MGAT5B: variants seen among roughly 807,000 people sequenced by gnomAD.
MGAT5B encodes N-acetylglucosaminyl-transferase Vb.
Under a neutral mutation model 95.1 loss-of-function variants are expected in MGAT5B, and 54 were observed. The observed-to-expected ratio is 0.57, with a 90% CI of 0.46 to 0.71. The LOEUF (loss-of-function observed/expected upper bound fraction) is 0.71, where lower values mean the gene tolerates loss of function less well. MGAT5B is among the 30% of genes least tolerant of loss of function. The probability of loss-of-function intolerance (pLI) is 0.00; values close to 1 mark genes in which losing one functional copy is unlikely to be tolerated. For synonymous variants in MGAT5B, 464 were observed against 451.0 expected (o/e 1.03, Z -0.36); for missense variants, 935 against 1,088.6 (o/e 0.86, Z 1.99).
Position 76,915,440 on chromosome 17 carries a change from G to C in MGAT5B, c.1025+9253G>C, listed in dbSNP as rs1968895130. 6.6e-6 allele frequency among the ~76,000 whole-genome samples: 1 copy of C among 152,118 alleles called. No individual in the cohort carries two copies. The highest frequency in any genetic ancestry group is 1.5e-5 in the Non-Finnish European group (1 of 68,030). ...TCCCACAAGCCAGGTGGAGGCAGCG[G>C]GAGACGCGAGGAAGTGGACAAGACC... is the stretch of plus-strand genomic sequence containing the variant. On this transcript the variant is annotated intron_variant, in intron 8 of 17. Coordinates refer to ENST00000569840, the MANE Select transcript of MGAT5B (RefSeq NM_001199172.2). The surrounding 1 kb of genome is among the most constrained non-coding windows in gnomAD (Gnocchi z 8.7).
Position 76,932,801 on chromosome 17 carries a change from AG to A in MGAT5B, c.1422+27del, listed in dbSNP as rs753254739. The stretch of plus-strand genomic sequence containing the variant: ...GTGAGCGCGGCCCCTGCGCGCGGGA[AG>A]CACCAGCCTGCTCGGCACAGGCCCC... On this transcript the variant is annotated intron_variant, in intron 11 of 17. Transcript: ENST00000569840. 39 of 1,611,510 alleles carry A rather than the reference AG, an allele frequency of 2.4e-5. No homozygotes were observed. The South Asian group carries it at 4.1e-4, about 17-fold the overall frequency.
chr17:76,908,962 G>A (rs77719605), intron 8 of MGAT5B, among the ~76,000 whole-genome samples: 48 of 150,436 alleles, frequency 3.2e-4, no homozygotes, highest in African/African-American at 1.1e-3. Flanking sequence ...GGGTGCCACC[G>A]TGCCCAGCTA....
chr17:76,888,785 G>T (rs1224518389), intron 3 of MGAT5B, among the ~76,000 whole-genome samples: 1 of 152,210 alleles, frequency 6.6e-6, no homozygotes, highest in Non-Finnish European at 1.5e-5. Flanking sequence ...GCCACCTGCG[G>T]AACCAGAGTT....
At chr17:76,893,566 C>T (rs769943944) in intron 3 of MGAT5B, among the ~76,000 whole-genome samples, 1 of 152,230 alleles carries the variant, frequency 6.6e-6, no homozygotes, top group Non-Finnish European at 1.5e-5. Flanking sequence ...GGCATCTGCA[C>T]CAGCTGGAGA....
Position 76,882,151 on chromosome 17 carries a change from T to G in MGAT5B, c.182T>G (p.Val61Gly). 6.2e-7 allele frequency: 1 copy of G among 1,608,578 alleles called. No individual in the cohort carries two copies. The highest frequency in any genetic ancestry group is 2.2e-5 in the East Asian group (1 of 44,754). Residue 61 changes from valine to glycine, a missense_variant and splice_region_variant, in exon 3 of 18, where the codon GTG becomes GGG. Transcript: ENST00000569840. ...GDSPFTIRTE[V>G]MGGPESRGVL... ...AACCATACCCACACTCTGCCCACAG[T>G]GATGGGGGGCCCCGAGTCCCGCGGC...
chr17:76,905,133 T>C lies in MGAT5B; in HGVS notation c.691-36T>C. 6.4e-7 allele frequency: 1 copy of C among 1,573,054 alleles called. No individual in the cohort carries two copies. Reference sequence around the variant, plus strand: ...AGCGGGGAATGATGGTGGCCGCAGGTTGAGGGGCAGAGAGCTGAGGTCTGG... The same window carrying C: ...AGCGGGGAATGATGGTGGCCGCAGGCTGAGGGGCAGAGAGCTGAGGTCTGG... On this transcript the variant is annotated intron_variant, in intron 6 of 17. Coordinates refer to ENST00000569840, the MANE Select transcript of MGAT5B (RefSeq NM_001199172.2). This position sits in a 1 kb window ranked among gnomAD's most constrained non-coding sequence, Gnocchi z 4.2.
At chr17:76,904,178 G>T (rs911358795) in intron 5 of MGAT5B, 74 bp from the exon 6 acceptor site, 4 of 1,447,518 alleles carry the variant, frequency 2.8e-6, no homozygotes, top group Middle Eastern at 2.3e-4. Context: ...ACCCCTGGGG[G>T]TGCACGTGCG....
Position 76,940,257 on chromosome 17 carries a change from A to G in MGAT5B, c.1585-145A>G, listed in dbSNP as rs536082726. 6 of 1,051,680 alleles carry G rather than the reference A, an allele frequency of 5.7e-6. No homozygotes were observed. The African/African-American group carries it at 6.4e-5, about 11-fold the overall frequency. The allele number at this position is 1,051,680 out of a possible 1,614,324, so 65.1% of individuals were successfully genotyped here. A position where few individuals can be genotyped will look rare whatever the true frequency, so the allele number is the denominator to read the frequency against. On this transcript the variant is annotated intron_variant, in intron 13 of 17. Coordinates refer to ENST00000569840, the MANE Select transcript of MGAT5B (RefSeq NM_001199172.2). The surrounding 1 kb of genome is among the most constrained non-coding windows in gnomAD (Gnocchi z 4.3). ...CTTTTCCAGCCCTGTTATAGCTCAC[A>G]TAACAGGCTGAGCAAAAATAATCGC...
chr17:76,938,107 G>A lies in MGAT5B; in HGVS notation c.1548G>A (p.Pro516=), dbSNP rs138623883. 301 of 1,614,202 alleles carry A rather than the reference G, an allele frequency of 1.9e-4. No individual in the cohort carries two copies. Among genetic ancestry groups the A allele is most frequent in the African/African-American group, 4.7e-4 (35 of 75,062 alleles). ...TTGTGAAGAACCACGGCCTCTTACC[G>A]CAGCCTGAGTTTCAGCAGCTGCTGC... ...PAFVKNHGLL[P]QPEFQQLLRK... The change falls in exon 13 of 18, where the codon CCG becomes CCA. Residue 516 remains proline, a synonymous_variant. Transcript: ENST00000569840. This position sits in a 1 kb window ranked among gnomAD's most constrained non-coding sequence, Gnocchi z 4.3.
chr17:76,924,874 T>C, intron 8 of MGAT5B, 92 bp from the exon 9 acceptor site: 3 of 1,492,150 alleles, frequency 2.0e-6, no homozygotes, highest in Non-Finnish European at 2.8e-6. Context: ...TCTCTGCACT[T>C]GTACAGTTCA....
Position 76,925,002 on chromosome 17 carries a change from G to A in MGAT5B, c.1062G>A (p.Pro354=), listed in dbSNP as rs750020732. The A allele has an allele frequency of 5.0e-5, 80 of 1,611,650 alleles. 1 individual carries two copies. Among genetic ancestry groups the A allele is most frequent in the East Asian group, 1.8e-4 (8 of 44,738 alleles). ...LGVPPGRGSC[P]LTMPLPFDLI... ...TACCGCCAGGCCGGGGAAGCTGCCCGCTCACCATGCCCCTGCCCTTCGACC... is the reference window on the plus strand; with the variant it reads ...TACCGCCAGGCCGGGGAAGCTGCCCACTCACCATGCCCCTGCCCTTCGACC... Residue 354 remains proline, a synonymous_variant, in exon 9 of 18, where the codon CCG becomes CCA. Coordinates refer to ENST00000569840, the MANE Select transcript of MGAT5B (RefSeq NM_001199172.2).
intron 15 of MGAT5B, chr17:76,946,168 G>A (rs1970022302): frequency 2.0e-6 from 1 of 504,596 alleles, no homozygotes; most frequent in Non-Finnish European, 3.5e-6. Context: ...TGGGTCCTGA[G>A]CCTGAGTCCC....
chr17:76,943,624 G>GC (rs1567827242), intron 15 of MGAT5B, among the ~76,000 whole-genome samples: 1 of 103,618 alleles, frequency 9.7e-6, no homozygotes, highest in Non-Finnish European at 1.9e-5. Flanking sequence ...GGGGTGGGGT[G>GC]GGGGGGGGGT....
chr17:76,912,279 G>A lies in MGAT5B; in HGVS notation c.1025+6092G>A, dbSNP rs1450776743. ...ATAATAAGATGGCAACCACTGGGGGGCCCTGGGCAGAGTTCCCAGCGAGCA... is the reference window on the plus strand; with the variant it reads ...ATAATAAGATGGCAACCACTGGGGGACCCTGGGCAGAGTTCCCAGCGAGCA... On this transcript the variant is annotated intron_variant, in intron 8 of 17. Transcript: ENST00000569840. This position sits in a 1 kb window ranked among gnomAD's most constrained non-coding sequence, Gnocchi z 5.0. 6.6e-6 allele frequency among the ~76,000 whole-genome samples: 1 copy of A among 152,138 alleles called. No individual in the cohort carries two copies. The highest frequency in any genetic ancestry group is 1.5e-5 in the Non-Finnish European group (1 of 68,028).
intron 2 of MGAT5B, among the ~76,000 whole-genome samples, chr17:76,877,303 T>G: frequency 7.4e-6 from 1 of 135,718 alleles, no homozygotes; most frequent in Non-Finnish European, 1.5e-5. Context: ...CCAGCCTGGG[T>G]GACAGAGCAA....
chr17:76,902,757 G>C, intron 4 of MGAT5B, 87 bp downstream of exon 4: 1 of 983,852 alleles, frequency 1.0e-6, no homozygotes, highest in Non-Finnish European at 1.5e-6. Flanking sequence ...TGGGACACTT[G>C]GGGTGTGGCC....
At chr17:76,897,342 T>G (rs1017688536) in intron 3 of MGAT5B, among the ~76,000 whole-genome samples, 1 of 152,146 alleles carries the variant, frequency 6.6e-6, no homozygotes, top group Non-Finnish European at 1.5e-5. Flanking sequence ...CAACAGAAAT[T>G]TACTCTTTCC....
rs1362039182 is a variant in MGAT5B at position 76,902,689 on chromosome 17, G to T, written c.445+19G>T. The T allele has an allele frequency of 1.3e-6, 2 of 1,544,304 alleles. No individual in the cohort carries two copies. Among genetic ancestry groups the T allele is most frequent in the Admixed American group, 1.9e-5 (1 of 52,832 alleles). On this transcript the variant is annotated intron_variant, in intron 4 of 17. Coordinates refer to ENST00000569840, the MANE Select transcript of MGAT5B (RefSeq NM_001199172.2). ...AGCAAGGGTGGGTGCCAGGGGGCGG[G>T]GGTACCCTCTACCCCTAGGGGGCCA...
Position 76,917,855 on chromosome 17 carries a change from G to T in MGAT5B, c.1026-7111G>T, listed in dbSNP as rs2411042. On this transcript the variant is annotated intron_variant, in intron 8 of 17. Coordinates refer to ENST00000569840, the MANE Select transcript of MGAT5B (RefSeq NM_001199172.2). This position sits in a 1 kb window ranked among gnomAD's most constrained non-coding sequence, Gnocchi z 6.1. ...GACCCTCGGGGTGGCCTGAGCACCA[G>T]GAGCTAAAGCCTGGATGAGAAAACC... 0.068 allele frequency among the ~76,000 whole-genome samples: 10,304 copies of T among 152,256 alleles called. 471 individuals are homozygous for T. The highest frequency in any genetic ancestry group is 0.21 in the East Asian group (1,084 of 5,152).
Sources: allele counts gnomAD v4.1 joint callset (sites outside exome capture counted in the v4.1 genomes callset), GRCh38; gene constraint gnomAD v4.1.1; non-coding constraint Gnocchi (gnomAD v3.1); transcripts MANE v1.5; gene names NCBI Gene and HGNC (gene_info 2026-07-23, HGNC 2026-07-21).